SKAP2: variants seen among roughly 807,000 people sequenced by gnomAD.
SKAP2 encodes the protein src kinase associated phosphoprotein 2, also known as src kinase-associated phosphoprotein 2.
Under a neutral mutation model 54.9 loss-of-function variants are expected in SKAP2, and 28 were observed. That is an observed-to-expected ratio of 0.51 (90% CI 0.38 to 0.70). The LOEUF (loss-of-function observed/expected upper bound fraction) is 0.70. Among genes scored for constraint, SKAP2 ranks in the 30% least tolerant of loss-of-function variants. SKAP2 has a pLI of 0.00. For synonymous variants in SKAP2, 137 were observed against 134.3 expected, an observed-to-expected ratio of 1.02 and a Z score of -0.14; for missense variants, 356 against 424.1, an observed-to-expected ratio of 0.84 and a Z score of 1.41.
chr7:26,814,500 T>C (rs1330668478), intron 4 of SKAP2, among the ~76,000 whole-genome samples: 2 of 150,546 alleles, frequency 1.3e-5, no homozygotes, highest in African/African-American at 4.9e-5. Flanking sequence ...GCTTCTAATA[T>C]GGTGGTATTA....
At chr7:26,851,440 T>G (rs928114291) in intron 3 of SKAP2, among the ~76,000 whole-genome samples, 12 of 151,986 alleles carry the variant, frequency 7.9e-5, no homozygotes, top group African/African-American at 1.2e-4. Context: ...TGAGAGACCC[T>G]GTCTTCTCAG....
intron 4 of SKAP2, among the ~76,000 whole-genome samples, chr7:26,747,606 G>T (rs1418943924): frequency 6.6e-6 from 1 of 152,140 alleles, no homozygotes; most frequent in Non-Finnish European, 1.5e-5. Flanking sequence ...TAGAACAAAA[G>T]AAGACAGTAA....
intron 4 of SKAP2, among the ~76,000 whole-genome samples, chr7:26,796,804 TG>T (rs1298526810): frequency 6.6e-6 from 1 of 152,242 alleles, no homozygotes; most frequent in Non-Finnish European, 1.5e-5. Context: ...GTAAGACTTA[TG>T]GTCAACAACA....
chr7:26,670,221 C>T (rs774566509), intron 11 of SKAP2, 29 bp from the exon 12 acceptor site: 7 of 996,828 alleles, frequency 7.0e-6, no homozygotes, highest in Non-Finnish European at 1.1e-5. Flanking sequence ...CAATATTAAC[C>T]TTTAGACTGG....
intron 4 of SKAP2, among the ~76,000 whole-genome samples, chr7:26,787,208 A>G (rs557223488): frequency 6.6e-6 from 1 of 152,336 alleles, no homozygotes; most frequent in East Asian, 1.9e-4. Context: ...TGCTATAAAA[A>G]ATATCTTGGA....
chr7:26,703,377 T>C (rs1787087996), intron 9 of SKAP2, among the ~76,000 whole-genome samples: 1 of 152,246 alleles, frequency 6.6e-6, no homozygotes, highest in African/African-American at 2.4e-5. Context: ...TGTTCTATCA[T>C]TATTTGAAGG....
At chr7:26,764,730 A>G (rs10273468) in intron 4 of SKAP2, among the ~76,000 whole-genome samples, 65,229 of 151,838 alleles carry the variant, frequency 0.43, 14,478 homozygotes, top group Middle Eastern at 0.49. Context: ...TTCTCCTAAT[A>G]TTATCTAACA....
At chr7:26,838,289 A>G (rs1239279672) in intron 4 of SKAP2, among the ~76,000 whole-genome samples, 3 of 151,388 alleles carry the variant, frequency 2.0e-5, no homozygotes, top group East Asian at 3.9e-4. Context: ...TACCTCCAAG[A>G]CCCCCTCCAC....
chr7:26,812,859 T>C (rs1784183036), intron 4 of SKAP2, among the ~76,000 whole-genome samples: 1 of 151,910 alleles, frequency 6.6e-6, no homozygotes, highest in Non-Finnish European at 1.5e-5. Flanking sequence ...AAAAAGCCTG[T>C]TTTTTTCCGG....
chr7:26,707,295 C>G (rs115691655), intron 9 of SKAP2, among the ~76,000 whole-genome samples: 1,796 of 151,698 alleles, frequency 0.012, 36 homozygotes, highest in African/African-American at 0.041. Context: ...AGGAAGTCGA[C>G]GCTGCAGTGA....
At chr7:26,726,218 AG>A (rs908603053) in intron 7 of SKAP2, among the ~76,000 whole-genome samples, 8 of 152,162 alleles carry the variant, frequency 5.3e-5, no homozygotes, top group Admixed American at 5.2e-4. Context: ...CAGGAAAAAA[AG>A]CTGCTTCTCT....
chr7:26,770,509 A>C (rs1783166132), intron 4 of SKAP2, among the ~76,000 whole-genome samples: 1 of 152,096 alleles, frequency 6.6e-6, no homozygotes, highest in South Asian at 2.1e-4. Flanking sequence ...GTATGAAAAA[A>C]AACTCCCACA....
At chr7:26,752,393 T>C (rs147248139) in intron 4 of SKAP2, among the ~76,000 whole-genome samples, 32 of 152,320 alleles carry the variant, frequency 2.1e-4, no homozygotes, top group African/African-American at 7.5e-4. Context: ...ATCATTCATA[T>C]TGAGCCAAAA....
At chr7:26,736,589 C>A (rs552746578) in intron 6 of SKAP2, among the ~76,000 whole-genome samples, 1 of 152,288 alleles carries the variant, frequency 6.6e-6, no homozygotes, top group East Asian at 1.9e-4. Flanking sequence ...AGTAGTGATT[C>A]TTTTGTTTCT....
At chr7:26,714,720 C>CTA (rs1438391560) in intron 9 of SKAP2, among the ~76,000 whole-genome samples, 3 of 152,164 alleles carry the variant, frequency 2.0e-5, no homozygotes, top group African/African-American at 7.2e-5. Flanking sequence ...TGCAGTCTGT[C>CTA]TCTATAGATG....
intron 9 of SKAP2, among the ~76,000 whole-genome samples, chr7:26,709,099 T>C (rs761142775): frequency 1.4e-4 from 21 of 152,086 alleles, no homozygotes; most frequent in Non-Finnish European, 2.1e-4. Context: ...TATCTACATG[T>C]GTTGGGTTAC....
intron 4 of SKAP2, among the ~76,000 whole-genome samples, chr7:26,756,890 T>C (rs1328477859): frequency 6.6e-6 from 1 of 152,240 alleles, no homozygotes; most frequent in Non-Finnish European, 1.5e-5. Flanking sequence ...TGTGAGATGG[T>C]ATCTCATTGT....
intron 4 of SKAP2, among the ~76,000 whole-genome samples, chr7:26,804,722 G>C (rs1437451479): frequency 1.4e-5 from 2 of 143,804 alleles, no homozygotes; most frequent in Non-Finnish European, 3.0e-5. Flanking sequence ...CTGGGTGACA[G>C]AGTGAGACCC....
chr7:26,713,851 G>A (rs959788718), intron 9 of SKAP2, among the ~76,000 whole-genome samples: 2 of 151,990 alleles, frequency 1.3e-5, no homozygotes, highest in African/African-American at 4.8e-5. Context: ...CACCTGCCTC[G>A]GCCTCCCAAA....
Sources: gnomAD v4.1 joint callset for allele counts (sites outside exome capture counted in the v4.1 genomes callset) on GRCh38, gnomAD v4.1.1 for gene constraint, MANE v1.5 for transcripts, NCBI Gene and HGNC (gene_info 2026-07-23, HGNC 2026-07-21) for gene names.